TRPC6: variants seen among roughly 807,000 people sequenced by gnomAD.
The protein encoded by TRPC6 is short transient receptor potential channel 6.
Under a neutral mutation model 90.7 loss-of-function variants are expected in TRPC6, and 55 were observed. The observed-to-expected ratio is 0.61, with a 90% CI of 0.49 to 0.76. TRPC6 has a LOEUF of 0.76. Among genes scored for constraint, TRPC6 ranks in the 30% least tolerant of loss-of-function variants. The pLI, the probability that TRPC6 is intolerant of heterozygous loss-of-function variation, is 0.00. For synonymous variants in TRPC6, 393 were observed against 393.0 expected (o/e 1.00, Z 0.00); for missense variants, 989 against 1,122.7 (o/e 0.88, Z 1.70).
chr11:101,488,030 C>A (rs1859716781), intron 4 of TRPC6, among the ~76,000 whole-genome samples: 1 of 152,104 alleles, frequency 6.6e-6, no homozygotes. Flanking sequence ...ATGAATCATG[C>A]CCATGTTTAA....
At chr11:101,571,646 A>G (rs568637207) in intron 1 of TRPC6, among the ~76,000 whole-genome samples, 9 of 152,234 alleles carry the variant, frequency 5.9e-5, no homozygotes, top group Non-Finnish European at 8.8e-5. Flanking sequence ...TAACCAAAAC[A>G]GCATGGTACT....
chr11:101,541,523 G>A (rs4474405), intron 1 of TRPC6, among the ~76,000 whole-genome samples: 96,535 of 151,880 alleles, frequency 0.64, 31,059 homozygotes, highest in South Asian at 0.77. Context: ...CACCACGCCC[G>A]GGTAATTTTT....
intron 1 of TRPC6, among the ~76,000 whole-genome samples, chr11:101,505,337 G>A (rs1860235096): frequency 6.6e-6 from 1 of 152,182 alleles, no homozygotes; most frequent in Non-Finnish European, 1.5e-5. Flanking sequence ...CAAAGAGAGA[G>A]ATGGGCAATC....
intron 1 of TRPC6, among the ~76,000 whole-genome samples, chr11:101,532,711 T>C (rs1010202490): frequency 2.6e-5 from 4 of 151,948 alleles, no homozygotes; most frequent in Non-Finnish European, 5.9e-5. Context: ...GAAGGATACT[T>C]TGAGGAGGAG....
At chr11:101,471,108 TA>T (rs1397506693) in intron 9 of TRPC6, 74 bp downstream of exon 9, 1 of 1,443,372 alleles carries the variant, frequency 6.9e-7, no homozygotes, top group African/African-American at 1.4e-5. Context: ...TGCTTCTCTT[TA>T]AAGGGATGTG....
At chr11:101,522,741 CT>C (rs1860690231) in intron 1 of TRPC6, among the ~76,000 whole-genome samples, 1 of 152,128 alleles carries the variant, frequency 6.6e-6, no homozygotes, top group African/African-American at 2.4e-5. Flanking sequence ...GGGCCTGCAC[CT>C]GTTAGGTTCT....
intron 10 of TRPC6, among the ~76,000 whole-genome samples, chr11:101,463,024 A>G (rs557239514): frequency 3.9e-5 from 6 of 152,144 alleles, no homozygotes; most frequent in Non-Finnish European, 8.8e-5. Flanking sequence ...ATGAAGCACT[A>G]TTGAGTTTTG....
chr11:101,471,055 G>A lies in TRPC6; in HGVS notation c.2409+128C>T, dbSNP rs1178621714. The A allele has an allele frequency of 5.9e-6, 5 of 853,146 alleles. No individual in the cohort carries two copies. The Admixed American group carries it at 8.0e-5, about 14-fold the overall frequency. 52.8% of individuals were successfully genotyped at this position (853,146 alleles called of 1,614,324 possible). On this transcript the variant is annotated intron_variant, in intron 9 of 12. Coordinates refer to ENST00000344327, the MANE Select transcript of TRPC6 (RefSeq NM_004621.6). ...CACAAGCCAAAGGACTGTGCTGTGT[G>A]AAGTGACTGCATATGGGAATGAATG...
chr11:101,467,194 A>G (rs1317675672), intron 10 of TRPC6, among the ~76,000 whole-genome samples: 1 of 151,802 alleles, frequency 6.6e-6, no homozygotes, highest in Non-Finnish European at 1.5e-5. Context: ...TCCACTCACT[A>G]CTTCATTTAT....
At chr11:101,520,189 G>C (rs186168726) in intron 1 of TRPC6, among the ~76,000 whole-genome samples, 23 of 152,132 alleles carry the variant, frequency 1.5e-4, no homozygotes, top group Non-Finnish European at 7.4e-5. Context: ...CCATTCTCGT[G>C]ACAGTGAGTG....
In TRPC6 at chr11:101,482,971, C is replaced by T; in HGVS notation, c.1488G>A (p.Met496Ile). The change falls in exon 5 of 13, where the codon ATG becomes ATA. Residue 496 changes from methionine to isoleucine, a missense_variant. Transcript: ENST00000344327. The stretch of plus-strand genomic sequence containing the variant: ...TACCTATTACCCAGGATATAATGAG[C>T]ATCTCCATCCATGAGAAGCAGGATG... ...MKTSCFSWME[M>I]LIISWVIGMI... 6.2e-7 allele frequency: 1 copy of T among 1,613,986 alleles called. No homozygotes were observed. The highest frequency in any genetic ancestry group is 8.5e-7 in the Non-Finnish European group (1 of 1,179,882).
Position 101,544,501 on chromosome 11 carries a change from C to A in TRPC6, c.170+38833G>T, listed in dbSNP as rs1302384164. ...AACCCAAATACCCATCAATGATATA[C>A]TTGATAAAGAAATTGTGGCTCATAT... is the stretch of plus-strand genomic sequence containing the variant. On this transcript the variant is annotated intron_variant, in intron 1 of 12. Transcript: ENST00000344327. Among the ~76,000 whole-genome samples, 3 of 152,228 alleles carry A rather than the reference C, an allele frequency of 2.0e-5. No individual in the cohort carries two copies. The East Asian group carries it at 5.8e-4, about 29-fold the overall frequency.
At chr11:101,541,810 G>C (rs1334978201) in intron 1 of TRPC6, among the ~76,000 whole-genome samples, 2 of 152,180 alleles carry the variant, frequency 1.3e-5, no homozygotes, top group African/African-American at 4.8e-5. Context: ...CTAAAGCTCA[G>C]AGCATGCTAA....
At chr11:101,539,977 T>C (rs1034617774) in intron 1 of TRPC6, among the ~76,000 whole-genome samples, 1 of 152,250 alleles carries the variant, frequency 6.6e-6, no homozygotes, top group Non-Finnish European at 1.5e-5. Context: ...GTTTTTATTA[T>C]GTAATTAATT....
At chr11:101,573,009 A>T (rs952871876) in intron 1 of TRPC6, among the ~76,000 whole-genome samples, 8 of 23,948 alleles carry the variant, frequency 3.3e-4, no homozygotes, top group Admixed American at 9.2e-4. Flanking sequence ...AAGTATAATT[A>T]AAAAAAAAAC....
intron 1 of TRPC6, among the ~76,000 whole-genome samples, chr11:101,516,854 A>T (rs1860534776): frequency 6.6e-6 from 1 of 152,224 alleles, no homozygotes; most frequent in African/African-American, 2.4e-5. Context: ...CTCTGCTATA[A>T]AAGAGCAGGT....
chr11:101,512,343 G>T (rs985092458), intron 1 of TRPC6, among the ~76,000 whole-genome samples: 2 of 152,110 alleles, frequency 1.3e-5, no homozygotes, highest in African/African-American at 2.4e-5. Flanking sequence ...AATCTCAGGT[G>T]CATGTAACAA....
intron 9 of TRPC6, among the ~76,000 whole-genome samples, chr11:101,470,643 T>C (rs748817407): frequency 1.2e-4 from 19 of 152,178 alleles, no homozygotes; most frequent in Admixed American, 7.2e-4. Flanking sequence ...TTATTTTTTT[T>C]AAAGATTGCA....
At chr11:101,517,023 C>A (rs150347906) in intron 1 of TRPC6, among the ~76,000 whole-genome samples, 2 of 152,218 alleles carry the variant, frequency 1.3e-5, no homozygotes, top group African/African-American at 2.4e-5. Flanking sequence ...CACTGAACTA[C>A]GCTGAAAGCT....
Sources: gnomAD v4.1 joint callset for allele counts (sites outside exome capture counted in the v4.1 genomes callset) on GRCh38, gnomAD v4.1.1 for gene constraint, MANE v1.5 for transcripts, NCBI Gene and HGNC (gene_info 2026-07-23, HGNC 2026-07-21) for gene names.